The following KCNIP4 variants were observed in gnomAD, a reference collection of about 807,000 sequenced individuals.
KCNIP4 encodes the protein potassium voltage-gated channel interacting protein 4, also known as Kv channel-interacting protein 4.
Under a neutral mutation model 34.0 loss-of-function variants are expected in KCNIP4, and 12 were observed. The observed-to-expected ratio is 0.35, with a 90% CI of 0.23 to 0.57. The LOEUF (loss-of-function observed/expected upper bound fraction) is 0.57. KCNIP4 is among the 20% of genes least tolerant of loss of function. The pLI is 0.83. For missense variants in KCNIP4, 238 were observed against 311.7 expected (o/e 0.76, Z 1.78); for synonymous variants, 124 against 102.2 (o/e 1.21, Z -1.29).
intron 3 of KCNIP4, among the ~76,000 whole-genome samples, chr4:20,799,377 T>G (rs1713919642): frequency 6.6e-6 from 1 of 152,164 alleles, no homozygotes; most frequent in Non-Finnish European, 1.5e-5. Context: ...TACAGTGCCC[T>G]GCTCCCCAGG....
At chr4:21,686,740 A>T (rs1315508087) in intron 1 of KCNIP4, among the ~76,000 whole-genome samples, 3 of 152,174 alleles carry the variant, frequency 2.0e-5, no homozygotes, top group Non-Finnish European at 4.4e-5. Flanking sequence ...GAACCATAAC[A>T]CAGATTAGAA....
intron 1 of KCNIP4, among the ~76,000 whole-genome samples, chr4:21,656,250 C>G (rs2108980539): frequency 6.6e-6 from 1 of 152,248 alleles, no homozygotes; most frequent in East Asian, 1.9e-4. Context: ...CATGGCATCC[C>G]TCCTGTGTGA....
At chr4:21,234,390 C>T (rs1196931970) in intron 1 of KCNIP4, among the ~76,000 whole-genome samples, 6 of 105,158 alleles carry the variant, frequency 5.7e-5, no homozygotes, top group African/African-American at 2.1e-4. Flanking sequence ...TCATACATAA[C>T]ATATATAATA....
intron 1 of KCNIP4, among the ~76,000 whole-genome samples, chr4:21,787,804 T>A (rs1339343396): frequency 1.3e-5 from 2 of 152,194 alleles, no homozygotes; most frequent in African/African-American, 4.8e-5. Context: ...TTTTTCTCTA[T>A]GTGCTTATTC....
intron 1 of KCNIP4, among the ~76,000 whole-genome samples, chr4:21,519,740 G>GTGTGTGT (rs556963421): frequency 6.4e-5 from 7 of 110,212 alleles, no homozygotes; most frequent in African/African-American, 2.4e-4. Flanking sequence ...GTATATGTAT[G>GTGTGTGT]ATACACACGT....
intron 1 of KCNIP4, among the ~76,000 whole-genome samples, chr4:21,667,395 AC>A (rs560173350): frequency 5.4e-4 from 82 of 152,326 alleles, no homozygotes; most frequent in South Asian, 3.5e-3. Flanking sequence ...AAGACATCAC[AC>A]ACAAACAATG....
intron 1 of KCNIP4, among the ~76,000 whole-genome samples, chr4:21,082,680 T>A (rs1280797020): frequency 6.6e-6 from 1 of 151,740 alleles, no homozygotes; most frequent in Non-Finnish European, 1.5e-5. Flanking sequence ...TCAGAAATGA[T>A]GAGAAATGAG....
intron 1 of KCNIP4, among the ~76,000 whole-genome samples, chr4:21,635,108 A>G (rs1746039152): frequency 6.6e-6 from 1 of 152,212 alleles, no homozygotes; most frequent in African/African-American, 2.4e-5. Context: ...GTTATTTTAA[A>G]ATAAATTGTT....
intron 1 of KCNIP4, among the ~76,000 whole-genome samples, chr4:21,319,079 C>T (rs767090645): frequency 2.6e-5 from 4 of 152,112 alleles, no homozygotes; most frequent in African/African-American, 4.8e-5. Context: ...GAGAAAAATG[C>T]GCTAAAATAC....
At chr4:21,452,756 T>C (rs1157947325) in intron 1 of KCNIP4, among the ~76,000 whole-genome samples, 1 of 151,034 alleles carries the variant, frequency 6.6e-6, no homozygotes, top group African/African-American at 2.4e-5. Context: ...GAAAGCCACA[T>C]TGTCTGCTAT....
intron 1 of KCNIP4, among the ~76,000 whole-genome samples, chr4:21,942,565 T>C: frequency 6.6e-6 from 1 of 152,216 alleles, no homozygotes. Context: ...GAGCATTATC[T>C]TGATGTCATG....
At chr4:21,176,187 A>G (rs1754398296) in intron 1 of KCNIP4, among the ~76,000 whole-genome samples, 1 of 152,190 alleles carries the variant, frequency 6.6e-6, no homozygotes, top group South Asian at 2.1e-4. Flanking sequence ...AAGACTGCAG[A>G]CCAAATTTTT....
chr4:21,457,422 T>C lies in KCNIP4; in HGVS notation c.61+491149A>G, dbSNP rs568262254. On this transcript the variant is annotated intron_variant, in intron 1 of 8. Coordinates refer to ENST00000382152, the MANE Select transcript of KCNIP4 (RefSeq NM_025221.6). ...GGAAAATCAAATCTCTAGCTCCTAA[T>C]TCTCAGTGGGCAATATTTTCAGAGA... Among the ~76,000 whole-genome samples, 28 of 152,138 alleles carry C rather than the reference T, an allele frequency of 1.8e-4. 1 individual carries two copies. The South Asian group carries it at 5.4e-3, about 29-fold the overall frequency.
intron 1 of KCNIP4, among the ~76,000 whole-genome samples, chr4:21,252,348 G>A (rs987847162): frequency 2.3e-4 from 35 of 151,960 alleles, no homozygotes; most frequent in South Asian, 4.2e-4. Context: ...GGATGGTCTC[G>A]ATCTCCTAAC....
At chr4:20,938,495 G>A (rs144547564) in intron 1 of KCNIP4, among the ~76,000 whole-genome samples, 3 of 152,050 alleles carry the variant, frequency 2.0e-5, no homozygotes, top group East Asian at 1.9e-4. Context: ...CAAAATGATC[G>A]GGCTTTAAGT....
intron 1 of KCNIP4, among the ~76,000 whole-genome samples, chr4:21,811,467 T>C (rs1056637854): frequency 6.6e-6 from 1 of 152,156 alleles, no homozygotes; most frequent in East Asian, 1.9e-4. Flanking sequence ...TATCCAGGTG[T>C]TTTCAATAAA....
chr4:20,896,456 G>A (rs886723736), intron 1 of KCNIP4, among the ~76,000 whole-genome samples: 1 of 152,132 alleles, frequency 6.6e-6, no homozygotes, highest in Non-Finnish European at 1.5e-5. Context: ...TTTAGGGTGG[G>A]CCCTATAGCC....
rs1747052513 is a variant in KCNIP4 at position 20,729,183 on chromosome 4, T to G, written c.*899A>C. 6.6e-6 allele frequency: 1 copy of G among 151,866 alleles called. No homozygotes were observed. The highest frequency in any genetic ancestry group is 1.5e-5 in the Non-Finnish European group (1 of 68,018). 9.4% of individuals were successfully genotyped at this position (151,866 alleles called of 1,614,324 possible). ...GGAAGTCAGGGGAAAGAGGACAGAT[T>G]TGGCCTTTAATGCTGTTAGGATTAC... On this transcript the variant is annotated 3_prime_UTR_variant, in exon 9 of 9. Coordinates refer to ENST00000382152, the MANE Select transcript of KCNIP4 (RefSeq NM_025221.6).
At chr4:21,876,266 T>C (rs966624386) in intron 1 of KCNIP4, among the ~76,000 whole-genome samples, 1 of 152,236 alleles carries the variant, frequency 6.6e-6, no homozygotes, top group Admixed American at 6.5e-5. Context: ...ATTATGATTA[T>C]GATTCTATCT....
Sources: gnomAD v4.1 joint callset for allele counts (sites outside exome capture counted in the v4.1 genomes callset) on GRCh38, gnomAD v4.1.1 for gene constraint, MANE v1.5 for transcripts, NCBI Gene and HGNC (gene_info 2026-07-23, HGNC 2026-07-21) for gene names.